The following ELOVL2 variants were observed in gnomAD, a reference collection of about 807,000 sequenced individuals.
ELOVL2 encodes very long chain fatty acid elongase 2.
A neutral mutation model predicts 37.7 loss-of-function variants in ELOVL2; 38 were observed. That is an observed-to-expected ratio of 1.01 (90% CI 0.78 to 1.32). The LOEUF (loss-of-function observed/expected upper bound fraction) is 1.32, where lower values mean the gene tolerates loss of function less well. ELOVL2 is among the 40% of genes most tolerant of loss of function. ELOVL2 has a pLI of 0.00. For missense variants in ELOVL2, 352 were observed against 363.6 expected, an observed-to-expected ratio of 0.97 and a Z score of 0.26; for synonymous variants, 115 against 122.3, an observed-to-expected ratio of 0.94 and a Z score of 0.40.
At chr6:11,023,460 A>G (rs1782796493) in intron 1 of ELOVL2, among the ~76,000 whole-genome samples, 1 of 152,178 alleles carries the variant, frequency 6.6e-6, no homozygotes, top group African/African-American at 2.4e-5. Context: ...TCACATCTAA[A>G]TTATTTCTAT....
In ELOVL2 at chr6:10,988,991, A is replaced by T. The variant is rs145881970; in HGVS notation, c.765+712T>A. Among the ~76,000 whole-genome samples the T allele has an allele frequency of 4.6e-5, 7 of 152,376 alleles. No individual in the cohort carries two copies. In the East Asian group the frequency reaches 1.3e-3, roughly 29 times the overall value. ...GAACCAATTTTTAAACATGAAATTC[A>T]ATAAATTAAAAACATTGAAGAAGCC... On this transcript the variant is annotated intron_variant, in intron 7 of 7. Coordinates refer to ENST00000354666, the MANE Select transcript of ELOVL2 (RefSeq NM_017770.4).
intron 1 of ELOVL2, among the ~76,000 whole-genome samples, chr6:11,015,280 T>C (rs994071762): frequency 6.6e-6 from 1 of 152,184 alleles, no homozygotes; most frequent in African/African-American, 2.4e-5. Flanking sequence ...AGAGAATCTG[T>C]AACCAGCAGA....
At chr6:11,024,424 C>T (rs917030583) in intron 1 of ELOVL2, among the ~76,000 whole-genome samples, 3 of 152,066 alleles carry the variant, frequency 2.0e-5, no homozygotes, top group African/African-American at 7.2e-5. Flanking sequence ...TGAAATGTTC[C>T]TTAAGTAAAT....
At chr6:11,010,527 T>C (rs1411009797) in intron 2 of ELOVL2, among the ~76,000 whole-genome samples, 1 of 152,240 alleles carries the variant, frequency 6.6e-6, no homozygotes, top group African/African-American at 2.4e-5. Context: ...CTCTGCTTCC[T>C]GCTCCCAGAA....
chr6:10,997,001 ACT>A (rs1484871371), intron 4 of ELOVL2, among the ~76,000 whole-genome samples: 1 of 152,080 alleles, frequency 6.6e-6, no homozygotes, highest in Non-Finnish European at 1.5e-5. Context: ...CAAGAGTGAA[ACT>A]CTGTCTCAAA....
intron 1 of ELOVL2, among the ~76,000 whole-genome samples, chr6:11,040,978 T>G (rs995264160): frequency 2.6e-5 from 4 of 152,242 alleles, no homozygotes; most frequent in African/African-American, 9.6e-5. Flanking sequence ...AGATTTAAAA[T>G]GTCATAAATT....
intron 1 of ELOVL2, among the ~76,000 whole-genome samples, chr6:11,032,156 A>G (rs531600596): frequency 2.6e-5 from 4 of 152,254 alleles, no homozygotes; most frequent in Non-Finnish European, 4.4e-5. Context: ...TTTGTTATCC[A>G]TATCATGTAG....
At chr6:10,997,655 C>T (rs569356419) in intron 4 of ELOVL2, among the ~76,000 whole-genome samples, 22 of 152,244 alleles carry the variant, frequency 1.4e-4, no homozygotes, top group Admixed American at 2.6e-4. Flanking sequence ...TCTACACATG[C>T]GTTTTGTTAC....
chr6:11,042,358 TAA>T (rs201731620), intron 1 of ELOVL2, among the ~76,000 whole-genome samples: 2 of 150,786 alleles, frequency 1.3e-5, no homozygotes, highest in Non-Finnish European at 3.0e-5. Context: ...ATTTGGGTAT[TAA>T]AAAAAAATTC....
chr6:11,042,517 C>T (rs927228278), intron 1 of ELOVL2, among the ~76,000 whole-genome samples: 1 of 151,950 alleles, frequency 6.6e-6, no homozygotes, highest in African/African-American at 2.4e-5. Flanking sequence ...AAAGAGATTT[C>T]CTTGGACTTA....
At position 11,000,107 on chromosome 6, in the gene ELOVL2, C is replaced by A. The variant is rs367914234; in HGVS notation, c.313G>T (p.Ala105Ser). The change falls in exon 4 of 8, where the codon GCA becomes TCA. Residue 105 changes from alanine (A) to serine (S), a missense_variant. Physicochemically the swap from Ala to Ser is moderately conservative, Grantham distance 99. Coordinates refer to ENST00000354666, the MANE Select transcript of ELOVL2 (RefSeq NM_017770.4). ...CTCACCCGGATGTCAGCTTCCCCTG[C>A]GCTGGTAAGATCTTGACACTGTAAG... is the stretch of plus-strand genomic sequence containing the variant. Reference protein sequence around the residue: ...YNLQCQDLTSAGEADIRVAKV... With the variant: ...YNLQCQDLTSSGEADIRVAKV... 1.2e-6 allele frequency: 2 copies of A among 1,614,090 alleles called. No homozygotes were observed. Among genetic ancestry groups the A allele is most frequent in the Non-Finnish European group, 1.7e-6 (2 of 1,179,996 alleles).
intron 7 of ELOVL2, among the ~76,000 whole-genome samples, chr6:10,987,338 C>G (rs1024289499): frequency 6.6e-6 from 1 of 152,026 alleles, no homozygotes; most frequent in Non-Finnish European, 1.5e-5. Context: ...TTTTTTGTGT[C>G]TCTATTTCCT....
chr6:10,998,737 A>G (rs1453244077), intron 4 of ELOVL2, among the ~76,000 whole-genome samples: 2 of 152,194 alleles, frequency 1.3e-5, no homozygotes, highest in Non-Finnish European at 2.9e-5. Context: ...GAAGAGGCCC[A>G]TTATCTAAGA....
intron 1 of ELOVL2, among the ~76,000 whole-genome samples, chr6:11,028,643 T>G (rs1021013928): frequency 6.7e-6 from 1 of 148,842 alleles, no homozygotes; most frequent in Admixed American, 6.6e-5. Context: ...TAATTGCCAG[T>G]TCAGAGTTGC....
intron 1 of ELOVL2, among the ~76,000 whole-genome samples, chr6:11,033,169 T>A (rs180757714): frequency 1.4e-4 from 22 of 152,302 alleles, no homozygotes; most frequent in Admixed American, 4.6e-4. Context: ...TGACACAAAG[T>A]CTATTCTCCA....
At chr6:11,042,308 G>T (rs1783110595) in intron 1 of ELOVL2, among the ~76,000 whole-genome samples, 1 of 151,698 alleles carries the variant, frequency 6.6e-6, no homozygotes, top group Admixed American at 6.6e-5. Context: ...GTGAGACCCT[G>T]CCACAAAAAA....
Position 10,983,456 on chromosome 6 carries a change from A to G in ELOVL2, c.*325T>C, listed in dbSNP as rs1781982183. 1 of 186,462 alleles carries G rather than the reference A, an allele frequency of 5.4e-6. No homozygotes were observed. The highest frequency in any genetic ancestry group is 1.1e-5 in the Non-Finnish European group (1 of 90,440). The allele number at this position is 186,462 out of a possible 1,614,324, so 11.6% of individuals were successfully genotyped here. A position where few individuals can be genotyped will look rare whatever the true frequency, so the allele number is the denominator to read the frequency against. ...TTTATTTGGAGACTCTCTGTGAGAA[A>G]CAATGCTCCACGTTTCCTGGCTGTG... On this transcript the variant is annotated 3_prime_UTR_variant, in exon 8 of 8. Transcript: ENST00000354666.
intron 2 of ELOVL2, among the ~76,000 whole-genome samples, chr6:11,007,509 G>A (rs896866108): frequency 6.6e-6 from 1 of 152,144 alleles, no homozygotes; most frequent in African/African-American, 2.4e-5. Context: ...GGGAGTCATG[G>A]TACAGAATCT....
intron 2 of ELOVL2, among the ~76,000 whole-genome samples, chr6:11,009,034 A>G (rs1303300221): frequency 6.6e-6 from 1 of 152,210 alleles, no homozygotes; most frequent in African/African-American, 2.4e-5. Flanking sequence ...GTAAAATGAA[A>G]CCTTCTGTCT....
Sources: gnomAD v4.1 joint callset for allele counts (sites outside exome capture counted in the v4.1 genomes callset) on GRCh38, gnomAD v4.1.1 for gene constraint, MANE v1.5 for transcripts, NCBI Gene and HGNC (gene_info 2026-07-23, HGNC 2026-07-21) for gene names.